Variants in FKBP5 observed in about 807,000 individuals in gnomAD.
FKBP5 encodes the protein FKBP prolyl isomerase 5.
In FKBP5, 23 loss-of-function variants were observed where a neutral mutation model predicts 50.5. The observed-to-expected ratio is 0.46, with a 90% CI of 0.33 to 0.65. The LOEUF is 0.65. Among genes scored for constraint, FKBP5 ranks in the 30% least tolerant of loss-of-function variants. FKBP5 has a pLI of 0.02. For missense variants in FKBP5, 411 were observed against 553.1 expected, an observed-to-expected ratio of 0.74 and a Z score of 2.58; for synonymous variants, 176 against 190.6, an observed-to-expected ratio of 0.92 and a Z score of 0.63.
intron 6 of FKBP5, among the ~76,000 whole-genome samples, chr6:35,596,842 G>C (rs1762997139): frequency 6.6e-6 from 1 of 152,030 alleles, no homozygotes; most frequent in Non-Finnish European, 1.5e-5. Flanking sequence ...AGTGGCACAA[G>C]TTCAAGTGGT....
At chr6:35,688,688 C>T (rs1765910271) in intron 1 of FKBP5, 116 bp downstream of exon 1, 1 of 150,758 alleles carries the variant, frequency 6.6e-6, no homozygotes, top group East Asian at 1.9e-4. Flanking sequence ...TGCGAAGCCG[C>T]GTGGGGGTGG....
intron 6 of FKBP5, among the ~76,000 whole-genome samples, chr6:35,593,641 G>A (rs553835791): frequency 2.0e-5 from 3 of 151,982 alleles, no homozygotes; most frequent in Non-Finnish European, 4.4e-5. Context: ...TGCAACCTCC[G>A]CCTCCTGGGT....
Position 35,591,303 on chromosome 6 carries a change from G to A in FKBP5, c.666-83C>T, listed in dbSNP as rs560376504. On this transcript the variant is annotated intron_variant, in intron 6 of 10. Coordinates refer to ENST00000357266, the MANE Select transcript of FKBP5 (RefSeq NM_004117.4). ...CCTTCAGTATTTTGAGGCATCAACA[G>A]AGCTATCATTTGCAAGCTACATGTG... 69 of 903,010 alleles carry A rather than the reference G, an allele frequency of 7.6e-5. No homozygotes were observed. In the East Asian group the frequency reaches 1.4e-3, roughly 18 times the overall value. 55.9% of individuals were successfully genotyped at this position (903,010 alleles called of 1,614,324 possible).
chr6:35,681,112 C>T (rs755192770), intron 1 of FKBP5, among the ~76,000 whole-genome samples: 3 of 152,166 alleles, frequency 2.0e-5, no homozygotes, highest in Admixed American at 2.0e-4. Flanking sequence ...TGAGGTATTT[C>T]ATGTTTTTTA....
intron 5 of FKBP5, among the ~76,000 whole-genome samples, chr6:35,606,500 A>G (rs7773184): frequency 1.3e-5 from 2 of 151,688 alleles, no homozygotes; most frequent in African/African-American, 4.8e-5. Flanking sequence ...CACTAAAAAT[A>G]TTTTAAAAAA....
intron 9 of FKBP5, 97 bp from the exon 10 acceptor site, chr6:35,577,330 G>GT (rs1762252826): frequency 1.7e-6 from 2 of 1,160,202 alleles, no homozygotes; most frequent in Non-Finnish European, 1.2e-6. Flanking sequence ...TGGAAAAAGT[G>GT]TATTTAAAAA....
intron 1 of FKBP5, among the ~76,000 whole-genome samples, chr6:35,651,560 A>G (rs991364928): frequency 6.6e-6 from 1 of 152,196 alleles, no homozygotes; most frequent in African/African-American, 2.4e-5. Flanking sequence ...CACAATAATT[A>G]AGATAAAAAG....
chr6:35,604,929 C>T (rs979893563), intron 5 of FKBP5, among the ~76,000 whole-genome samples: 28 of 151,812 alleles, frequency 1.8e-4, no homozygotes, highest in African/African-American at 5.3e-4. Flanking sequence ...GGACTACAGG[C>T]GCCCGCCACC....
chr6:35,656,846 G>A (rs1305311004), intron 1 of FKBP5, among the ~76,000 whole-genome samples: 2 of 146,520 alleles, frequency 1.4e-5, no homozygotes, highest in Non-Finnish European at 3.0e-5. Context: ...GCAGTGAGAT[G>A]AGATCGTGCC....
Position 35,583,659 on chromosome 6 carries a change from G to A in FKBP5, c.840+3375C>T, listed in dbSNP as rs531637497. On this transcript the variant is annotated intron_variant, in intron 8 of 10. Coordinates refer to ENST00000357266, the MANE Select transcript of FKBP5 (RefSeq NM_004117.4). ...GGTAGGATGCTACTGGCATCTAATG[G>A]GCAGAGGCCAGGAATGCTGCTAAAT... 6.8e-6 allele frequency: 6 copies of A among 887,020 alleles called. No individual in the cohort carries two copies. The African/African-American group carries it at 1.1e-4, about 16-fold the overall frequency. The allele number at this position is 887,020 out of a possible 1,614,324, so 54.9% of individuals were successfully genotyped here.
chr6:35,688,066 G>C (rs1020650336), intron 1 of FKBP5, among the ~76,000 whole-genome samples: 9 of 152,250 alleles, frequency 5.9e-5, no homozygotes, highest in Non-Finnish European at 1.2e-4. Flanking sequence ...CAGCCGCTTC[G>C]GTATGGCCTG....
At chr6:35,669,046 A>C (rs1489245883) in intron 1 of FKBP5, among the ~76,000 whole-genome samples, 1 of 152,340 alleles carries the variant, frequency 6.6e-6, no homozygotes, top group East Asian at 1.9e-4. Flanking sequence ...TTTTCAAAAA[A>C]AGTTTGATCA....
chr6:35,586,383 C>G (rs1762599178), intron 8 of FKBP5: 1 of 985,070 alleles, frequency 1.0e-6, no homozygotes, highest in South Asian at 4.7e-5. Context: ...CCATTAGAAG[C>G]AATCAATACT....
In FKBP5 at chr6:35,597,332, TCTC is replaced by T; in HGVS notation, c.578_580del (p.Gly193del). 5 of 1,614,172 alleles carry T rather than the reference TCTC, an allele frequency of 3.1e-6. No homozygotes were observed. The highest frequency in any genetic ancestry group is 4.2e-6 in the Non-Finnish European group (5 of 1,180,008). On this transcript the variant is annotated inframe_deletion, in exon 6 of 11. Transcript: ENST00000357266. ...AATTCCAATTGGAATGTCGTGGTCT[TCTC>T]CTTCGCCCACAGTGAATGCCACATC...
chr6:35,633,542 C>CA (rs10714201), intron 3 of FKBP5, among the ~76,000 whole-genome samples: 1,572 of 91,326 alleles, frequency 0.017, 27 homozygotes, highest in African/African-American at 0.049. Flanking sequence ...GATTCCATCT[C>CA]AAAAAAAAAA....
intron 2 of FKBP5, among the ~76,000 whole-genome samples, chr6:35,642,165 G>C (rs920033580): frequency 1.3e-5 from 2 of 152,032 alleles, no homozygotes; most frequent in Admixed American, 1.3e-4. Flanking sequence ...TCTGAGAATA[G>C]GGAAATATAG....
intron 5 of FKBP5, 106 bp from the exon 6 acceptor site, chr6:35,597,510 T>G (rs1561850411): frequency 7.7e-7 from 1 of 1,296,148 alleles, no homozygotes; most frequent in East Asian, 2.5e-5. Flanking sequence ...CCATTTCCCC[T>G]TTCTCATTTC....
At chr6:35,605,390 T>C (rs1421171648) in intron 5 of FKBP5, among the ~76,000 whole-genome samples, 6 of 119,264 alleles carry the variant, frequency 5.0e-5, no homozygotes, top group African/African-American at 1.9e-4. Context: ...TATCTTTTTT[T>C]TTTTTTTTTT....
At chr6:35,647,374 T>C (rs1044714599) in intron 1 of FKBP5, among the ~76,000 whole-genome samples, 1 of 152,242 alleles carries the variant, frequency 6.6e-6, no homozygotes, top group African/African-American at 2.4e-5. Flanking sequence ...AGTCATCAAC[T>C]TCCTCTCCCC....
Sources: allele counts gnomAD v4.1 joint callset (sites outside exome capture counted in the v4.1 genomes callset), GRCh38; gene constraint gnomAD v4.1.1; transcripts MANE v1.5; gene names NCBI Gene and HGNC (gene_info 2026-07-23, HGNC 2026-07-21).